The following BTBD1 variants were observed in gnomAD, a reference collection of about 807,000 sequenced individuals.
BTBD1 encodes BTB/POZ domain-containing protein 1.
BTBD1 carries 34 observed loss-of-function variants against 48.0 expected under a neutral mutation model. The ratio of observed to expected loss-of-function variants is 0.71; its 90% CI spans 0.54 to 0.94. The LOEUF is 0.94. Ranked by LOEUF, BTBD1 falls within the 40% of genes least tolerant of loss-of-function variation. The pLI, the probability that BTBD1 is intolerant of heterozygous loss-of-function variation, is 0.00. For missense variants in BTBD1, 543 were observed against 625.6 expected, an observed-to-expected ratio of 0.87 and a Z score of 1.41; for synonymous variants, 261 against 242.1, an observed-to-expected ratio of 1.08 and a Z score of -0.72.
At chr15:83,020,633 G>A in intron 6 of BTBD1, 42 bp downstream of exon 6, 1 of 1,265,664 alleles carries the variant, frequency 7.9e-7, no homozygotes, top group Non-Finnish European at 1.1e-6. Flanking sequence ...TTACCTGTTT[G>A]TGTTATTTCA....
At chr15:83,038,740 A>G (rs2032678550) in intron 4 of BTBD1, among the ~76,000 whole-genome samples, 1 of 152,184 alleles carries the variant, frequency 6.6e-6, no homozygotes, top group Admixed American at 6.6e-5. Context: ...ACCCAGAAAT[A>G]AAGCTGCAGA....
chr15:83,040,725 T>C (rs1449176154), intron 4 of BTBD1, among the ~76,000 whole-genome samples: 4 of 136,130 alleles, frequency 2.9e-5, no homozygotes, highest in Admixed American at 2.2e-4. Flanking sequence ...AAAAAAACCA[T>C]GAGACTTTTC....
At chr15:83,055,414 T>C (rs988593136) in intron 2 of BTBD1, among the ~76,000 whole-genome samples, 1 of 151,634 alleles carries the variant, frequency 6.6e-6, no homozygotes, top group Non-Finnish European at 1.5e-5. Flanking sequence ...TGTGCCACCA[T>C]GCTCGGCTAA....
rs1318918230 is a variant in BTBD1, at chr15:83,016,706, T to C, written c.*1361A>G. The C allele has an allele frequency of 2.6e-5, 4 of 152,168 alleles. No homozygotes were observed. The highest frequency in any genetic ancestry group is 2.6e-4 in the Admixed American group (4 of 15,264). 9.4% of individuals were successfully genotyped at this position (152,168 alleles called of 1,614,324 possible). ...ACCACACATCCCATAGATAATTCCA[T>C]TTAACTGAGGTTTATATCCGTAAGA... On this transcript the variant is annotated 3_prime_UTR_variant, in exon 8 of 8. Transcript: ENST00000261721.
chr15:83,047,686 C>G (rs1269550818), intron 3 of BTBD1, among the ~76,000 whole-genome samples: 1 of 152,158 alleles, frequency 6.6e-6, no homozygotes, highest in Non-Finnish European at 1.5e-5. Flanking sequence ...TAGCTAGGCT[C>G]TAGGGCATGA....
Position 83,042,348 on chromosome 15 carries a change from T to TTATATATA in BTBD1, c.665-431_665-424dup, listed in dbSNP as rs61294242. Among the ~76,000 whole-genome samples the TTATATATA allele has an allele frequency of 9.4e-3, 1,036 of 109,792 alleles. 39 individuals are homozygous for TTATATATA. Among genetic ancestry groups the TTATATATA allele is most frequent in the Non-Finnish European group, 0.01 (548 of 54,156 alleles). 72.0% of individuals were successfully genotyped at this position (109,792 alleles called of 152,430 possible). A position where few individuals can be genotyped will look rare whatever the true frequency, so the allele number is the denominator to read the frequency against. Reference sequence around the variant, plus strand: ...ACGTGCCAGGTACTATTAGGCAATTTTATATATATATATATATATATATAT... The same window carrying TTATATATA: ...ACGTGCCAGGTACTATTAGGCAATTTTATATATATATATATATATATATATATATATAT... On this transcript the variant is annotated intron_variant, in intron 3 of 7. Transcript: ENST00000261721.
At chr15:83,052,238 G>A (rs1309991061) in intron 2 of BTBD1, among the ~76,000 whole-genome samples, 4 of 151,954 alleles carry the variant, frequency 2.6e-5, no homozygotes, top group Non-Finnish European at 4.4e-5. Flanking sequence ...ATGGGCCACC[G>A]TGCTTGGTTT....
In BTBD1 at chr15:83,067,022, G is replaced by A. The variant is rs994263969; in HGVS notation, c.130C>T (p.Pro44Ser). The change falls in exon 1 of 8, where the codon CCT becomes TCT. Residue 44 changes from proline to serine, a missense_variant. Transcript: ENST00000261721. ...LGPLLPLQRE[P>S]LYNWQATKAS... is the part of the protein sequence containing the mutation. ...TTGGTCGCCTGCCAGTTGTAGAGAG[G>A]TTCCCGCTGCAGGGGGAGCAGGGGC... 5.7e-6 allele frequency: 9 copies of A among 1,583,302 alleles called. No individual in the cohort carries two copies. Among genetic ancestry groups the A allele is most frequent in the Non-Finnish European group, 7.7e-6 (9 of 1,167,140 alleles).
At chr15:83,034,551 T>C (rs968164769) in intron 4 of BTBD1, among the ~76,000 whole-genome samples, 3 of 152,000 alleles carry the variant, frequency 2.0e-5, no homozygotes, top group South Asian at 2.1e-4. Context: ...AAGGTGGACG[T>C]TGCAGTGAGC....
chr15:83,035,879 A>G (rs1195489176), intron 4 of BTBD1, among the ~76,000 whole-genome samples: 2 of 151,896 alleles, frequency 1.3e-5, no homozygotes, highest in African/African-American at 2.4e-5. Context: ...AATTTTGACA[A>G]TTTCATTGCA....
Position 83,041,921 on chromosome 15 carries a change from T to A in BTBD1, c.669A>T (p.Thr223=), listed in dbSNP as rs1298260497. 6.2e-7 allele frequency: 1 copy of A among 1,613,924 alleles called. No individual in the cohort carries two copies. Among genetic ancestry groups the A allele is most frequent in the Admixed American group, 1.7e-5 (1 of 60,002 alleles). Residue 223 remains threonine (T), a synonymous_variant, in exon 4 of 8, where the codon ACA becomes ACT. Transcript: ENST00000261721. ...AEGFTDIDID[T]LCAVLERDTL... is the part of the protein sequence containing the mutation. ...TGTCTCTCTCTAAAACTGCACAGAGTGTATCTATAGGCAAAATACAAAATA... is the reference window on the plus strand; with the variant it reads ...TGTCTCTCTCTAAAACTGCACAGAGAGTATCTATAGGCAAAATACAAAATA...
chr15:83,049,127 G>C (rs1362625415), intron 3 of BTBD1, among the ~76,000 whole-genome samples: 2 of 152,054 alleles, frequency 1.3e-5, no homozygotes, highest in Non-Finnish European at 2.9e-5. Context: ...CCAGTTCAGA[G>C]TCTCAGGTGG....
rs1596420237 is a variant in BTBD1, at chr15:83,020,889, T to C, written c.1056-127A>G. On this transcript the variant is annotated intron_variant, in intron 5 of 7. Transcript: ENST00000261721. The stretch of plus-strand genomic sequence containing the variant: ...CTTATAAAAAGGAAAACAAATTAGA[T>C]ATCCTTGGAAATGTCATCTGTTTGC... 1.1e-5 allele frequency: 6 copies of C among 567,408 alleles called. No individual in the cohort carries two copies. In the East Asian group the frequency reaches 1.7e-4, roughly 16 times the overall value. The allele number at this position is 567,408 out of a possible 1,614,324, so 35.1% of individuals were successfully genotyped here.
chr15:83,057,288 G>C (rs545859231), intron 1 of BTBD1, among the ~76,000 whole-genome samples: 12 of 152,282 alleles, frequency 7.9e-5, no homozygotes, highest in African/African-American at 2.9e-4. Context: ...TAGACTGCTT[G>C]GGTTTGAGCT....
intron 4 of BTBD1, among the ~76,000 whole-genome samples, chr15:83,032,961 C>T (rs1447174832): frequency 2.8e-4 from 27 of 96,762 alleles, no homozygotes; most frequent in African/African-American, 1.3e-3. Flanking sequence ...GACAGTCTTA[C>T]TCTGTCTCAA....
intron 4 of BTBD1, among the ~76,000 whole-genome samples, chr15:83,032,132 C>A (rs745321056): frequency 6.6e-6 from 1 of 152,144 alleles, no homozygotes; most frequent in South Asian, 2.1e-4. Flanking sequence ...ACCAGCCTGA[C>A]CAACATGGTG....
At chr15:83,049,988 A>T (rs2032946152) in intron 3 of BTBD1, 85 bp downstream of exon 3, 1 of 745,050 alleles carries the variant, frequency 1.3e-6, no homozygotes, top group Non-Finnish European at 2.2e-6. Flanking sequence ...CCACTGATTT[A>T]AAAATAGCCC....
chr15:83,040,101 G>GC (rs954453683), intron 4 of BTBD1, among the ~76,000 whole-genome samples: 2 of 151,956 alleles, frequency 1.3e-5, no homozygotes, highest in African/African-American at 4.8e-5. Context: ...GCAGCTAGAA[G>GC]CCATTATCTT....
Position 83,041,069 on chromosome 15 carries a change from T to C in BTBD1, c.862+659A>G, listed in dbSNP as rs569399609. On this transcript the variant is annotated intron_variant, in intron 4 of 7. Coordinates refer to ENST00000261721, the MANE Select transcript of BTBD1 (RefSeq NM_025238.4). ...TGGGAGGCTGAGGTGGGAGGATTGATTGAGCCTGGGAGGTGGAGGCTTCAG... is the reference window on the plus strand; with the variant it reads ...TGGGAGGCTGAGGTGGGAGGATTGACTGAGCCTGGGAGGTGGAGGCTTCAG... Among the ~76,000 whole-genome samples the C allele has an allele frequency of 8.6e-5, 13 of 150,762 alleles. No homozygotes were observed. The East Asian group carries it at 2.2e-3, about 25-fold the overall frequency.
Sources: allele counts gnomAD v4.1 joint callset (sites outside exome capture counted in the v4.1 genomes callset), GRCh38; gene constraint gnomAD v4.1.1; transcripts MANE v1.5; gene names NCBI Gene and HGNC (gene_info 2026-07-23, HGNC 2026-07-21).